PHF20: variants seen among roughly 807,000 people sequenced by gnomAD.
The protein encoded by PHF20 is PHD finger protein 20.
A neutral mutation model predicts 113.5 loss-of-function variants in PHF20; 23 were observed. The ratio of observed to expected loss-of-function variants is 0.20; its 90% CI spans 0.15 to 0.29. The LOEUF (loss-of-function observed/expected upper bound fraction) is 0.29. Among genes scored for constraint, PHF20 ranks in the 10% least tolerant of loss-of-function variants. The pLI, the probability that PHF20 is intolerant of heterozygous loss-of-function variation, is 1.00. For missense variants in PHF20, 943 were observed against 1,219.6 expected (o/e 0.77, Z 3.38); for synonymous variants, 434 against 457.3 (o/e 0.95, Z 0.65).
At chr20:35,857,959 GAATA>G (rs2042869384) in intron 4 of PHF20, among the ~76,000 whole-genome samples, 1 of 152,126 alleles carries the variant, frequency 6.6e-6, no homozygotes, top group Non-Finnish European at 1.5e-5. Context: ...ATTCACCAAG[GAATA>G]AATAAGTCTG....
At chr20:35,840,743 A>G (rs1049108684) in intron 2 of PHF20, among the ~76,000 whole-genome samples, 5 of 152,198 alleles carry the variant, frequency 3.3e-5, no homozygotes, top group Admixed American at 1.3e-4. Context: ...TCATTTCAAC[A>G]GGATACCTTG....
intron 9 of PHF20, among the ~76,000 whole-genome samples, chr20:35,881,736 C>G (rs1189990323): frequency 3.1e-4 from 47 of 152,038 alleles, no homozygotes; most frequent in Admixed American, 3.0e-3. Flanking sequence ...AAAAAATATT[C>G]ATAAATTTGA....
intron 15 of PHF20, among the ~76,000 whole-genome samples, chr20:35,936,698 G>A (rs2055872304): frequency 6.6e-6 from 1 of 151,868 alleles, no homozygotes; most frequent in African/African-American, 2.4e-5. Flanking sequence ...TTAACCCCTG[G>A]GTAATCATTG....
intron 2 of PHF20, among the ~76,000 whole-genome samples, chr20:35,809,842 A>C (rs2041946622): frequency 6.6e-6 from 1 of 152,114 alleles, no homozygotes; most frequent in Non-Finnish European, 1.5e-5. Flanking sequence ...AATTGTGCTG[A>C]TAGCCGCAGG....
At chr20:35,843,439 A>G (rs1039825789) in intron 3 of PHF20, among the ~76,000 whole-genome samples, 1 of 150,254 alleles carries the variant, frequency 6.7e-6, no homozygotes, top group Non-Finnish European at 1.5e-5. Flanking sequence ...GAATCGCTTG[A>G]ACCCAGGAGG....
intron 2 of PHF20, among the ~76,000 whole-genome samples, chr20:35,834,243 T>C (rs2042401040): frequency 6.8e-6 from 1 of 147,260 alleles, no homozygotes; most frequent in Admixed American, 6.8e-5. Context: ...ATTCTACAGC[T>C]ATGGTTTTTT....
intron 2 of PHF20, among the ~76,000 whole-genome samples, chr20:35,813,389 A>C (rs539178474): frequency 6.6e-6 from 1 of 152,180 alleles, no homozygotes; most frequent in Non-Finnish European, 1.5e-5. Flanking sequence ...GTCCAGTGGG[A>C]TGCTGTTTAA....
intron 14 of PHF20, among the ~76,000 whole-genome samples, chr20:35,930,405 A>G (rs560989755): frequency 6.6e-6 from 1 of 152,292 alleles, no homozygotes; most frequent in East Asian, 1.9e-4. Context: ...TGACGGGAAA[A>G]TTGATAAGAC....
intron 4 of PHF20, among the ~76,000 whole-genome samples, chr20:35,852,911 T>C (rs2042762492): frequency 6.6e-6 from 1 of 151,316 alleles, no homozygotes. Context: ...TAATCTTTTT[T>C]TCCTTTTTTT....
At chr20:35,834,736 A>C (rs1475840094) in intron 2 of PHF20, among the ~76,000 whole-genome samples, 2 of 152,146 alleles carry the variant, frequency 1.3e-5, no homozygotes, top group Non-Finnish European at 2.9e-5. Context: ...TGTTTGTCTC[A>C]TAATACAAAC....
intron 2 of PHF20, among the ~76,000 whole-genome samples, chr20:35,807,315 G>A (rs920064569): frequency 1.4e-5 from 2 of 146,526 alleles, no homozygotes; most frequent in African/African-American, 5.0e-5. Context: ...TTATTCCTAA[G>A]TACTGTCTAG....
chr20:35,934,885 G>T (rs990912020), intron 15 of PHF20, among the ~76,000 whole-genome samples: 2 of 152,192 alleles, frequency 1.3e-5, no homozygotes, highest in African/African-American at 4.8e-5. Context: ...ACAGGAAAAC[G>T]TAACCCCATG....
At chr20:35,857,813 T>A (rs2042865788) in intron 4 of PHF20, among the ~76,000 whole-genome samples, 1 of 152,130 alleles carries the variant, frequency 6.6e-6, no homozygotes, top group South Asian at 2.1e-4. Flanking sequence ...CTCGAACTCC[T>A]GACCTTGTCA....
At chr20:35,866,890 T>C (rs1371696444) in intron 6 of PHF20, among the ~76,000 whole-genome samples, 1 of 152,168 alleles carries the variant, frequency 6.6e-6, no homozygotes, top group Non-Finnish European at 1.5e-5. Context: ...AGAAGGGATG[T>C]TTTCTAAGTT....
At chr20:35,927,389 C>A (rs1202575368) in intron 13 of PHF20, among the ~76,000 whole-genome samples, 1 of 152,102 alleles carries the variant, frequency 6.6e-6, no homozygotes, top group African/African-American at 2.4e-5. Flanking sequence ...ACAAACAGCC[C>A]CAGGAGGAGG....
intron 1 of PHF20, among the ~76,000 whole-genome samples, chr20:35,785,276 A>T (rs1425316137): frequency 6.6e-6 from 1 of 152,170 alleles, no homozygotes; most frequent in Non-Finnish European, 1.5e-5. Context: ...TTAATAATAA[A>T]GGCTAGGAAT....
chr20:35,911,464 C>T (rs2055302144), intron 10 of PHF20, among the ~76,000 whole-genome samples: 1 of 152,168 alleles, frequency 6.6e-6, no homozygotes, highest in Non-Finnish European at 1.5e-5. Context: ...ACTAAAACTG[C>T]TATGAGTCTT....
At chr20:35,880,117 C>A (rs550444813) in intron 9 of PHF20, among the ~76,000 whole-genome samples, 1 of 152,184 alleles carries the variant, frequency 6.6e-6, no homozygotes, top group Non-Finnish European at 1.5e-5. Context: ...TGAGTGGGCA[C>A]TCTTGGACTT....
At chr20:35,880,440 A>G (rs1223269751) in intron 9 of PHF20, among the ~76,000 whole-genome samples, 1 of 152,028 alleles carries the variant, frequency 6.6e-6, no homozygotes, top group Non-Finnish European at 1.5e-5. Context: ...AAAATGCTTC[A>G]TTTTCAGGAT....
Sources: gnomAD v4.1 joint callset for allele counts (sites outside exome capture counted in the v4.1 genomes callset) on GRCh38, gnomAD v4.1.1 for gene constraint, MANE v1.5 for transcripts, NCBI Gene and HGNC (gene_info 2026-07-23, HGNC 2026-07-21) for gene names.